Variants in JAK1 observed in about 807,000 individuals in gnomAD.
JAK1 encodes the protein tyrosine-protein kinase JAK1.
Under a neutral mutation model 136.6 loss-of-function variants are expected in JAK1, and 16 were observed. The ratio of observed to expected loss-of-function variants is 0.12; its 90% CI spans 0.08 to 0.18. JAK1 has a LOEUF of 0.18. JAK1 is among the 10% of genes least tolerant of loss of function. JAK1 has a pLI of 1.00. For missense variants in JAK1, 859 were observed against 1,450.1 expected (o/e 0.59, Z 6.62); for synonymous variants, 492 against 519.5 (o/e 0.95, Z 0.72).
intron 1 of JAK1, among the ~76,000 whole-genome samples, chr1:65,048,822 AAT>A (rs34900464): frequency 0.062 from 9,439 of 152,222 alleles, 529 homozygotes; most frequent in East Asian, 0.32. Flanking sequence ...ATGGGCATTT[AAT>A]ATGTTTTCTG....
chr1:64,879,839 T>A (rs1315678606), intron 3 of JAK1, among the ~76,000 whole-genome samples: 3 of 152,126 alleles, frequency 2.0e-5, no homozygotes, highest in Non-Finnish European at 2.9e-5. Flanking sequence ...ACTCCACCAG[T>A]TGCCTCCGTC....
chr1:64,864,583 G>A (rs1367240579), intron 8 of JAK1, among the ~76,000 whole-genome samples: 2 of 152,246 alleles, frequency 1.3e-5, no homozygotes, highest in Non-Finnish European at 2.9e-5. Flanking sequence ...ACATTTCTGA[G>A]ACCAAAGAAA....
chr1:64,860,071 C>A (rs200553158), intron 9 of JAK1, 34 bp downstream of exon 9: 1 of 1,458,510 alleles, frequency 6.9e-7, no homozygotes, highest in Admixed American at 2.1e-5. Context: ...GCTCTCTGCA[C>A]ACCAAAGGCA....
chr1:64,988,589 T>C (rs1445489241), intron 2 of JAK1, among the ~76,000 whole-genome samples: 1 of 151,708 alleles, frequency 6.6e-6, no homozygotes, highest in Non-Finnish European at 1.5e-5. Context: ...TTAAGAAAAA[T>C]AAAAAATGGG....
intron 1 of JAK1, among the ~76,000 whole-genome samples, chr1:65,059,810 T>A (rs565125076): frequency 6.6e-5 from 10 of 152,294 alleles, no homozygotes; most frequent in Non-Finnish European, 1.5e-4. Flanking sequence ...TCATTAGGCA[T>A]TTGCTCAATT....
At chr1:64,846,607 C>T (rs1655247126) in intron 14 of JAK1, 42 bp downstream of exon 14, 5 of 1,508,076 alleles carry the variant, frequency 3.3e-6, no homozygotes, top group Non-Finnish European at 3.7e-6. Flanking sequence ...ACCCAAGCTC[C>T]CCAGCCAGGC....
intron 1 of JAK1, among the ~76,000 whole-genome samples, chr1:64,908,831 A>G (rs369154871): frequency 6.6e-6 from 1 of 152,110 alleles, no homozygotes; most frequent in Non-Finnish European, 1.5e-5. Flanking sequence ...AAACTGTATA[A>G]TTAGAGGCAG....
At chr1:65,059,413 T>C (rs1647694184) in intron 1 of JAK1, among the ~76,000 whole-genome samples, 1 of 152,204 alleles carries the variant, frequency 6.6e-6, no homozygotes. Context: ...AAAATGCACA[T>C]TAGCAAAAAT....
intron 2 of JAK1, among the ~76,000 whole-genome samples, chr1:64,986,419 C>A (rs991358636): frequency 6.6e-6 from 1 of 151,854 alleles, no homozygotes; most frequent in Non-Finnish European, 1.5e-5. Context: ...TAATCTAATT[C>A]TTTTCAAGTC....
chr1:65,061,844 T>C (rs904848274), intron 1 of JAK1, among the ~76,000 whole-genome samples: 1 of 152,164 alleles, frequency 6.6e-6, no homozygotes, highest in Non-Finnish European at 1.5e-5. Context: ...TTACAGAATT[T>C]TTTTCTCTTT....
At chr1:64,926,506 C>A (rs1399255692) in intron 1 of JAK1, among the ~76,000 whole-genome samples, 1 of 152,024 alleles carries the variant, frequency 6.6e-6, no homozygotes, top group Non-Finnish European at 1.5e-5. Flanking sequence ...TATCAGTATA[C>A]ACGGCCCTTC....
intron 2 of JAK1, chr1:64,973,929 A>C (rs985364503): frequency 1.3e-5 from 2 of 152,234 alleles, no homozygotes; most frequent in African/African-American, 4.8e-5. Context: ...TAAAGGTATC[A>C]TGCATGACAT....
chr1:64,878,563 A>C (rs10584593), intron 4 of JAK1, among the ~76,000 whole-genome samples: 1 of 10,868 alleles, frequency 9.2e-5, no homozygotes, highest in African/African-American at 4.3e-4. Context: ...TATAGTGTGT[A>C]TATATATATA....
intron 17 of JAK1, among the ~76,000 whole-genome samples, chr1:64,842,561 C>A (rs190217355): frequency 6.6e-6 from 1 of 152,090 alleles, no homozygotes. Context: ...CACATCCCTG[C>A]GTCAGTGCAG....
At chr1:64,957,955 A>G (rs1189850261) in intron 1 of JAK1, among the ~76,000 whole-genome samples, 4 of 152,344 alleles carry the variant, frequency 2.6e-5, no homozygotes. Context: ...AAAAAAAAAA[A>G]AAGTGTACTG....
chr1:64,994,678 C>CT (rs968061529), intron 2 of JAK1, among the ~76,000 whole-genome samples: 8 of 152,120 alleles, frequency 5.3e-5, no homozygotes, highest in African/African-American at 1.9e-4. Context: ...TCAACACATG[C>CT]TTTTTTGGGG....
chr1:64,965,130 C>G (rs1646349404), intron 1 of JAK1, among the ~76,000 whole-genome samples: 3 of 152,220 alleles, frequency 2.0e-5, no homozygotes, highest in East Asian at 3.9e-4. Flanking sequence ...AAAAAATAGC[C>G]AAAACCAAAC....
intron 1 of JAK1, among the ~76,000 whole-genome samples, chr1:64,938,630 T>C (rs1314250212): frequency 2.0e-5 from 3 of 152,226 alleles, no homozygotes; most frequent in African/African-American, 7.2e-5. Flanking sequence ...AAACCATTTA[T>C]AAATCCCAAG....
chr1:64,915,697 A>T (rs1313672431), intron 1 of JAK1, among the ~76,000 whole-genome samples: 21 of 152,200 alleles, frequency 1.4e-4, no homozygotes. Flanking sequence ...ATTTTATTAA[A>T]TGTTAATTTA....
Sources: gnomAD v4.1 joint callset for allele counts (sites outside exome capture counted in the v4.1 genomes callset) on GRCh38, gnomAD v4.1.1 for gene constraint, MANE v1.5 for transcripts, NCBI Gene and HGNC (gene_info 2026-07-23, HGNC 2026-07-21) for gene names.